Variants in DNTTIP2 observed in about 807,000 individuals in gnomAD.
DNTTIP2 encodes the protein deoxynucleotidyltransferase terminal interacting protein 2.
DNTTIP2 carries 47 observed loss-of-function variants against 62.4 expected under a neutral mutation model. That is an observed-to-expected ratio of 0.75 (90% CI 0.60 to 0.96). The LOEUF is 0.96. Ranked by LOEUF, DNTTIP2 falls within the 40% of genes least tolerant of loss-of-function variation. The probability of loss-of-function intolerance (pLI) is 0.00; values close to 1 mark genes in which losing one functional copy is unlikely to be tolerated. For synonymous variants in DNTTIP2, 322 were observed against 300.9 expected (o/e 1.07, Z -0.73); for missense variants, 870 against 849.1 (o/e 1.02, Z -0.31).
rs1655769134 is a variant in DNTTIP2, at chr1:93,868,232, C to G, written c.*1619G>C. ...CAAAAGAAGACATTTATGCAGCCAA[C>G]AAACATGAAAAAACGCTCATTATCA... On this transcript the variant is annotated 3_prime_UTR_variant, in exon 7 of 7. Transcript: ENST00000436063. The G allele has an allele frequency of 6.6e-6, 1 of 152,136 alleles. No homozygotes were observed. The allele number at this position is 152,136 out of a possible 1,614,324, so 9.4% of individuals were successfully genotyped here.
intron 4 of DNTTIP2, 144 bp from the exon 5 acceptor site, chr1:93,872,380 T>C (rs573276418): frequency 3.8e-6 from 3 of 784,580 alleles, no homozygotes; most frequent in East Asian, 2.7e-5. Context: ...TCCAGAATCA[T>C]AGAGATAAAA....
Position 93,866,834 on chromosome 1 carries a change from G to A in DNTTIP2, c.*3017C>T, listed in dbSNP as rs1655733404. On this transcript the variant is annotated 3_prime_UTR_variant, in exon 7 of 7. Coordinates refer to ENST00000436063, the MANE Select transcript of DNTTIP2 (RefSeq NM_014597.5). Reference sequence around the variant, plus strand: ...CAACTTTATCAACTGTAGTCTTACAGCATCTACTTTGTTTTAAGAACATTT... The same window carrying A: ...CAACTTTATCAACTGTAGTCTTACAACATCTACTTTGTTTTAAGAACATTT... 6.6e-6 allele frequency: 1 copy of A among 152,216 alleles called. No individual in the cohort carries two copies. Among genetic ancestry groups the A allele is most frequent in the Non-Finnish European group, 1.5e-5 (1 of 68,070 alleles). The allele number at this position is 152,216 out of a possible 1,614,324, so 9.4% of individuals were successfully genotyped here.
chr1:93,878,198 G>A (rs1014006329), intron 1 of DNTTIP2, among the ~76,000 whole-genome samples: 1 of 152,070 alleles, frequency 6.6e-6, no homozygotes, highest in South Asian at 2.1e-4. Flanking sequence ...CAACTACTCA[G>A]GAGCCTGAGG....
intron 5 of DNTTIP2, 142 bp from the exon 6 acceptor site, chr1:93,870,934 A>T: frequency 2.4e-6 from 1 of 415,050 alleles, no homozygotes. Flanking sequence ...TTTGCCATTT[A>T]TTTAAAGCAA....
In DNTTIP2 at chr1:93,870,656, T is replaced by G; in HGVS notation, c.2177+27A>C. The G allele has an allele frequency of 6.8e-6, 9 of 1,332,762 alleles. No individual in the cohort carries two copies. The Admixed American group carries it at 2.2e-4, about 33-fold the overall frequency. 82.6% of individuals were successfully genotyped at this position (1,332,762 alleles called of 1,614,324 possible). ...ACATTTTTAAAGCAAAGTATACATA[T>G]TATAAAATAAATATGAATTCCTTTA... On this transcript the variant is annotated intron_variant, in intron 6 of 6. Coordinates refer to ENST00000436063, the MANE Select transcript of DNTTIP2 (RefSeq NM_014597.5).
intron 4 of DNTTIP2, 107 bp downstream of exon 4, chr1:93,873,012 C>T (rs768023635): frequency 5.9e-5 from 42 of 707,982 alleles, no homozygotes; most frequent in Non-Finnish European, 9.6e-5. Flanking sequence ...TTTCTTTGGA[C>T]TCATATATAG....
Position 93,876,984 on chromosome 1 carries a change from A to G in DNTTIP2, c.951T>C (p.Ser317=). ...TDEGKEINEK[S]SQLKNLSELQ... ...GTTCAGAAAGATTCTTCAGCTGAGA[A>G]CTTTTCTCATTAATTTCTTTCCCCT... The change falls in exon 2 of 7, where the codon AGT becomes AGC. Residue 317 remains serine, a synonymous_variant. Transcript: ENST00000436063. 1 of 1,613,048 alleles carries G rather than the reference A, an allele frequency of 6.2e-7. No homozygotes were observed. The highest frequency in any genetic ancestry group is 1.3e-5 in the African/African-American group (1 of 75,032).
rs766886271 is a variant in DNTTIP2, at chr1:93,873,164, AAC to A, written c.1855_1856del (p.Val619SerfsTer4). The A allele has an allele frequency of 1.1e-5, 18 of 1,613,062 alleles. No individual in the cohort carries two copies. The highest frequency in any genetic ancestry group is 1.4e-5 in the Non-Finnish European group (17 of 1,179,514). On this transcript the variant is annotated frameshift_variant, in exon 4 of 7. Coordinates refer to ENST00000436063, the MANE Select transcript of DNTTIP2 (RefSeq NM_014597.5). LOFTEE classifies it high-confidence loss of function. ...GATACTTTGATTCACTATATGGTGG[AAC>A]ACAGTGGTTTTTTTCAAAATCAGGT... is the stretch of plus-strand genomic sequence containing the variant. Reference protein sequence around the residue: ...ITPDFEKNHCVPPYSESKYQL... With the variant: ...ITPDFEKNHCXPPYSESKYQL...
chr1:93,878,003 G>A (rs1019475401), intron 1 of DNTTIP2, 141 bp from the exon 2 acceptor site: 57 of 1,316,954 alleles, frequency 4.3e-5, no homozygotes, highest in Non-Finnish European at 2.7e-5. Context: ...CCCAACTCAT[G>A]ATTTTTAAAA....
Position 93,869,597 on chromosome 1 carries a change from A to C in DNTTIP2, c.*254T>G. ...AGCATTGAAAACTTTACAAACCATC[A>C]GTTATCTTAAAATGGTTGAGATTTT... On this transcript the variant is annotated 3_prime_UTR_variant, in exon 7 of 7. Transcript: ENST00000436063. The C allele has an allele frequency of 2.9e-6, 1 of 348,216 alleles. No homozygotes were observed. Among genetic ancestry groups the C allele is most frequent in the Non-Finnish European group, 5.3e-6 (1 of 187,172 alleles). The allele number at this position is 348,216 out of a possible 1,614,324, so 21.6% of individuals were successfully genotyped here.
rs764004819 is a variant in DNTTIP2, at chr1:93,869,926, G to A, written c.2196C>T (p.Tyr732=). The A allele has an allele frequency of 1.3e-6, 1 of 779,862 alleles. No homozygotes were observed. Among genetic ancestry groups the A allele is most frequent in the Non-Finnish European group, 2.4e-6 (1 of 417,606 alleles). 48.3% of individuals were successfully genotyped at this position (779,862 alleles called of 1,614,324 possible). A position where few individuals can be genotyped will look rare whatever the true frequency, so the allele number is the denominator to read the frequency against. Reference sequence around the variant, plus strand: ...CTGCTTTTTCAGCCATGATCTCTGAGTACTTCCTTCGGTTGTATCTGAAAA... The same window carrying A: ...CTGCTTTTTCAGCCATGATCTCTGAATACTTCCTTCGGTTGTATCTGAAAA... ...SEFRRYNRRK[Y]SEIMAEKAAN... Residue 732 remains tyrosine (Y), a synonymous_variant, in exon 7 of 7, where the codon TAC becomes TAT. Coordinates refer to ENST00000436063, the MANE Select transcript of DNTTIP2 (RefSeq NM_014597.5).
chr1:93,877,993 C>T, intron 1 of DNTTIP2, 131 bp from the exon 2 acceptor site: 1 of 1,338,072 alleles, frequency 7.5e-7, no homozygotes, highest in Non-Finnish European at 9.9e-7. Context: ...AAAAAACCTG[C>T]CCAACTCATG....
Position 93,876,880 on chromosome 1 carries a change from G to C in DNTTIP2, c.1055C>G (p.Ser352Cys). 5 of 1,613,958 alleles carry C rather than the reference G, an allele frequency of 3.1e-6. No individual in the cohort carries two copies. The highest frequency in any genetic ancestry group is 3.4e-6 in the Non-Finnish European group (4 of 1,179,874). Residue 352 changes from serine to cysteine, a missense_variant, in exon 2 of 7, where the codon TCT becomes TGT. Ser to Cys is a moderately radical substitution (Grantham distance 112). Transcript: ENST00000436063. ...CATTACAGCCTCAGAGTTCAGATTA[G>C]AGTGCACTGATACAGCATTTTTATT... ...PQNKNAVSVH[S>C]NLNSEAVMKS...
Position 93,877,717 on chromosome 1 carries a change from C to T in DNTTIP2, c.218G>A (p.Gly73Asp). Residue 73 changes from glycine to aspartate, a missense_variant, in exon 2 of 7, where the codon GGC (glycine) becomes GAC (aspartate). Transcript: ENST00000436063. ...KARKRKSRTT[G>D]SLPKGTEPST... ...TGGTTCAGTCCCCTTTGGTAGTGAGCCTGTAGTTCTGCTCTTCCTCTTTCT... is the reference window on the plus strand; with the variant it reads ...TGGTTCAGTCCCCTTTGGTAGTGAGTCTGTAGTTCTGCTCTTCCTCTTTCT... The T allele has an allele frequency of 6.2e-7, 1 of 1,613,916 alleles. No homozygotes were observed.
At chr1:93,871,763 T>C (rs1482123473) in intron 5 of DNTTIP2, among the ~76,000 whole-genome samples, 1 of 152,232 alleles carries the variant, frequency 6.6e-6, no homozygotes, top group Admixed American at 6.5e-5. Context: ...CTTTTACCCC[T>C]ATCCCGTATG....
At chr1:93,878,909 C>G (rs1656083042) in intron 1 of DNTTIP2, 168 bp downstream of exon 1, 1 of 826,768 alleles carries the variant, frequency 1.2e-6, no homozygotes, top group Non-Finnish European at 1.8e-6. Context: ...GAAGGCTAAA[C>G]AGTTTCCGTG....
chr1:93,879,173 A>G lies in DNTTIP2; in HGVS notation c.-25T>C, dbSNP rs1429366901. On this transcript the variant is annotated 5_prime_UTR_variant, in exon 1 of 7. Transcript: ENST00000436063. Reference sequence around the variant, plus strand: ...TCTTTCCGGCTCCCTCGCGACCACCACGACTTCCCTCTTCCCTGGCGCTCC... The same window carrying G: ...TCTTTCCGGCTCCCTCGCGACCACCGCGACTTCCCTCTTCCCTGGCGCTCC... The G allele has an allele frequency of 1.2e-6, 2 of 1,609,360 alleles. No homozygotes were observed. The highest frequency in any genetic ancestry group is 1.1e-5 in the South Asian group (1 of 90,958).
intron 4 of DNTTIP2, among the ~76,000 whole-genome samples, chr1:93,872,872 C>CTA (rs34797896): frequency 1.2e-4 from 15 of 127,946 alleles, no homozygotes; most frequent in African/African-American, 5.5e-4. Context: ...TAGAAGTAAT[C>CTA]TATATATATA....
Position 93,875,633 on chromosome 1 carries a change from C to A in DNTTIP2, c.1806+12G>T. On this transcript the variant is annotated intron_variant, in intron 3 of 6. Coordinates refer to ENST00000436063, the MANE Select transcript of DNTTIP2 (RefSeq NM_014597.5). ...TTAGTTCTGTGAAAACCTAACAGCA[C>A]AATTAACTTACCTCATTTTTCTTTT... is the stretch of plus-strand genomic sequence containing the variant. The A allele has an allele frequency of 1.2e-6, 2 of 1,604,824 alleles. No individual in the cohort carries two copies. Among genetic ancestry groups the A allele is most frequent in the East Asian group, 4.5e-5 (2 of 44,572 alleles).
Sources: allele counts gnomAD v4.1 joint callset (sites outside exome capture counted in the v4.1 genomes callset), GRCh38; gene constraint gnomAD v4.1.1; transcripts MANE v1.5; gene names NCBI Gene and HGNC (gene_info 2026-07-23, HGNC 2026-07-21).